MICAL2: variants seen among roughly 807,000 people sequenced by gnomAD.
The protein encoded by MICAL2 is [F-actin]-monooxygenase MICAL2.
Under a neutral mutation model 127.3 loss-of-function variants are expected in MICAL2, and 77 were observed. That is an observed-to-expected ratio of 0.60 (90% CI 0.50 to 0.73). The LOEUF is 0.73. Ranked by LOEUF, MICAL2 falls within the 30% of genes least tolerant of loss-of-function variation. The probability of loss-of-function intolerance (pLI) is 0.00; values close to 1 mark genes in which losing one functional copy is unlikely to be tolerated. For synonymous variants in MICAL2, 570 were observed against 551.1 expected (o/e 1.03, Z -0.48); for missense variants, 1,351 against 1,434.4 (o/e 0.94, Z 0.94).
downstream of MICAL2, among the ~76,000 whole-genome samples, chr11:12,268,362 C>T (rs1565288548): frequency 6.6e-6 from 1 of 152,224 alleles, no homozygotes; most frequent in African/African-American, 2.4e-5. Context: ...AGGTTGGCAG[C>T]AGAGAGCAGT....
At chr11:12,222,383 G>A (rs1372215869) in intron 10 of MICAL2, among the ~76,000 whole-genome samples, 1 of 152,198 alleles carries the variant, frequency 6.6e-6, no homozygotes, top group African/African-American at 2.4e-5. Context: ...CCCCTGCCTG[G>A]GTGGAGGAGC....
intron 24 of MICAL2, 77 bp from the exon 25 acceptor site, chr11:12,258,391 G>A (rs1311134207): frequency 1.0e-5 from 11 of 1,100,248 alleles, no homozygotes; most frequent in Admixed American, 8.5e-5. Flanking sequence ...GGACAGTGGT[G>A]GGCACTTGGC....
At chr11:12,226,921 G>A (rs1009445386) in intron 14 of MICAL2, 104 bp from the exon 15 acceptor site, 12 of 850,562 alleles carry the variant, frequency 1.4e-5, no homozygotes, top group Middle Eastern at 2.2e-4. Context: ...CCCAAGTGCT[G>A]GGATTACAGG....
Position 12,242,310 on chromosome 11 carries a change from A to G in MICAL2, c.2434A>G (p.Lys812Glu). The stretch of plus-strand genomic sequence containing the variant: ...GAGCAGACCTTGGAGAGCCAGAGCC[A>G]AGTCTGACCTACAGCTGGGTGGGAC... ...CLSRPWRARAKSDLQLGGTEN... is the reference protein window; with the variant it reads ...CLSRPWRARAESDLQLGGTEN... The change falls in exon 19 of 28, where the codon AAG becomes GAG. Residue 812 changes from lysine (K) to glutamate (E), a missense_variant. Coordinates refer to ENST00000683283, the MANE Select transcript of MICAL2 (RefSeq NM_001282663.2). 6.2e-7 allele frequency: 1 copy of G among 1,614,136 alleles called. No individual in the cohort carries two copies. The highest frequency in any genetic ancestry group is 2.2e-5 in the East Asian group (1 of 44,888).
At chr11:12,350,752 A>G (rs1939030796) in intron 33 of MICAL2, among the ~76,000 whole-genome samples, 1 of 152,218 alleles carries the variant, frequency 6.6e-6, no homozygotes, top group Non-Finnish European at 1.5e-5. Context: ...TAAGTATGAC[A>G]GCCCAGATTA....
At chr11:12,262,191 C>G (rs1863214233) in intron 26 of MICAL2, 1 of 1,303,506 alleles carries the variant, frequency 7.7e-7, no homozygotes. Flanking sequence ...GCAACATATT[C>G]AAGAATGAAT....
chr11:12,202,062 C>A (rs1434447529), intron 3 of MICAL2, among the ~76,000 whole-genome samples: 1 of 151,960 alleles, frequency 6.6e-6, no homozygotes, highest in Non-Finnish European at 1.5e-5. Context: ...ACAGAGGTTG[C>A]GGTGAGCCAA....
intron 3 of MICAL2, among the ~76,000 whole-genome samples, chr11:12,186,031 C>T (rs149266496): frequency 5.9e-5 from 9 of 152,328 alleles, no homozygotes; most frequent in Non-Finnish European, 1.3e-4. Flanking sequence ...TGGGCACTGG[C>T]GAGCATTTCC....
chr11:12,111,059 A>G (rs1438636998), intron 1 of MICAL2, among the ~76,000 whole-genome samples: 1 of 152,176 alleles, frequency 6.6e-6, no homozygotes. Context: ...ACGGGGTGGG[A>G]GTGACGCGCC....
At chr11:12,289,826 C>T (rs568473680), downstream of MICAL2, among the ~76,000 whole-genome samples, 1 of 152,298 alleles carries the variant, frequency 6.6e-6, no homozygotes, top group Admixed American at 6.5e-5. Flanking sequence ...ACCTCGGCCT[C>T]CAAAAGTGCT....
At position 12,226,369 on chromosome 11, in the gene MICAL2, G is replaced by A. The variant is rs1857448842; in HGVS notation, c.1887G>A (p.Val629=). 2 of 1,613,768 alleles carry A rather than the reference G, an allele frequency of 1.2e-6. No homozygotes were observed. The highest frequency in any genetic ancestry group is 1.1e-5 in the South Asian group (1 of 91,068). ...ELFRGTPLRP[V]DSWRKNYGEN... is the part of the protein sequence containing the mutation. The stretch of plus-strand genomic sequence containing the variant: ...TCCGGGGCACCCCACTGAGGCCCGT[G>A]GGTAAGCACCTGCACAGAGGTTTTG... The change falls in exon 14 of 28, where the codon GTG becomes GTA. Residue 629 remains valine, a splice_region_variant and synonymous_variant. Transcript: ENST00000683283.
At chr11:12,205,955 G>A (rs574942749) in intron 4 of MICAL2, among the ~76,000 whole-genome samples, 5 of 152,256 alleles carry the variant, frequency 3.3e-5, no homozygotes, top group South Asian at 2.1e-4. Context: ...AGGCTTGGGC[G>A]GGAACAACTG....
intron 32 of MICAL2, among the ~76,000 whole-genome samples, chr11:12,334,958 G>T (rs1938722955): frequency 6.6e-6 from 1 of 152,146 alleles, no homozygotes; most frequent in South Asian, 2.1e-4. Flanking sequence ...AATCCTTTGG[G>T]TATATACCCA....
intron 3 of MICAL2, among the ~76,000 whole-genome samples, chr11:12,185,193 GT>G (rs1858060294): frequency 7.9e-6 from 1 of 126,480 alleles, no homozygotes; most frequent in Non-Finnish European, 1.7e-5. Flanking sequence ...GGATGGATGG[GT>G]GGGGGGATGG....
intron 7 of MICAL2, among the ~76,000 whole-genome samples, chr11:12,215,108 C>T (rs948124625): frequency 3.0e-4 from 46 of 152,220 alleles, no homozygotes; most frequent in African/African-American, 1.1e-3. Context: ...CTCCAACCCT[C>T]CCTTCCTCTA....
At chr11:12,330,896 A>T (rs1450546227) in intron 32 of MICAL2, among the ~76,000 whole-genome samples, 51 of 116,752 alleles carry the variant, frequency 4.4e-4, no homozygotes, top group Non-Finnish European at 8.0e-4. Context: ...AGAGAGAGAG[A>T]GAGAGTGTGT....
downstream of MICAL2, among the ~76,000 whole-genome samples, chr11:12,288,337 T>C (rs1199968671): frequency 1.3e-5 from 2 of 152,096 alleles, no homozygotes; most frequent in African/African-American, 4.8e-5. Context: ...GTAGGGTCCA[T>C]CCCAAGGCTT....
At chr11:12,270,426 C>T (rs1468021839) in intron 24 of MICAL2, among the ~76,000 whole-genome samples, 2 of 152,198 alleles carry the variant, frequency 1.3e-5, no homozygotes, top group Non-Finnish European at 2.9e-5. Context: ...AAGGGGAAGC[C>T]AGGGTGTCCC....
chr11:12,175,585 C>CTGTG (rs71313462), intron 3 of MICAL2, among the ~76,000 whole-genome samples: 204 of 149,864 alleles, frequency 1.4e-3, no homozygotes, highest in African/African-American at 4.2e-3. Flanking sequence ...TGTGGGGAGT[C>CTGTG]TGTGTGTGTG....
Sources: gnomAD v4.1 joint callset for allele counts (sites outside exome capture counted in the v4.1 genomes callset) on GRCh38, gnomAD v4.1.1 for gene constraint, MANE v1.5 for transcripts, NCBI Gene and HGNC (gene_info 2026-07-23, HGNC 2026-07-21) for gene names.